Variants in CBFA2T3 observed in about 807,000 individuals in gnomAD.
CBFA2T3 encodes the protein CBFA2/RUNX1 partner transcriptional co-repressor 3, also known as transcriptional corepressor CBFA2T3.
CBFA2T3 carries 31 observed loss-of-function variants against 58.6 expected under a neutral mutation model. The ratio of observed to expected loss-of-function variants is 0.53; its 90% CI spans 0.40 to 0.71. CBFA2T3 has a LOEUF of 0.71. CBFA2T3 is among the 30% of genes least tolerant of loss of function. The probability of loss-of-function intolerance (pLI) is 0.00; values close to 1 mark genes in which losing one functional copy is unlikely to be tolerated. For missense variants in CBFA2T3, 1,076 were observed against 963.1 expected (o/e 1.12, Z -1.55); for synonymous variants, 531 against 421.9 (o/e 1.26, Z -3.17).
chr16:88,958,959 C>A lies in CBFA2T3; in HGVS notation c.151+17698G>T, dbSNP rs907768810. Among the ~76,000 whole-genome samples the A allele has an allele frequency of 6.6e-6, 1 of 152,158 alleles. No individual in the cohort carries two copies. The highest frequency in any genetic ancestry group is 2.1e-4 in the South Asian group (1 of 4,832). Reference sequence around the variant, plus strand: ...CAGAGGGCTGATTCCTCTCTCTGCCCCGACCCCTGGCAACCCTGTCAGCTG... The same window carrying A: ...CAGAGGGCTGATTCCTCTCTCTGCCACGACCCCTGGCAACCCTGTCAGCTG... On this transcript the variant is annotated intron_variant, in intron 1 of 11. Transcript: ENST00000268679. This position sits in a 1 kb window ranked among gnomAD's most constrained non-coding sequence, Gnocchi z 4.0.
intron 1 of CBFA2T3, among the ~76,000 whole-genome samples, chr16:88,944,038 C>G (rs1405877257): frequency 6.6e-6 from 1 of 152,066 alleles, no homozygotes; most frequent in African/African-American, 2.4e-5. Context: ...GCTCAATTCA[C>G]TTAAAAGAAA....
intron 1 of CBFA2T3, among the ~76,000 whole-genome samples, chr16:88,959,145 C>G (rs956308965): frequency 3.3e-5 from 5 of 152,222 alleles, no homozygotes; most frequent in African/African-American, 1.2e-4. Flanking sequence ...GAATCGTGTG[C>G]CCCCGTCCTT....
intron 1 of CBFA2T3, among the ~76,000 whole-genome samples, chr16:88,934,789 G>A (rs1290756237): frequency 6.6e-6 from 1 of 152,140 alleles, no homozygotes; most frequent in Non-Finnish European, 1.5e-5. Context: ...GCCCAGGCTG[G>A]AGTGCAGTGG....
intron 1 of CBFA2T3, among the ~76,000 whole-genome samples, chr16:88,912,192 C>CCT (rs371013185): frequency 7.2e-5 from 11 of 152,372 alleles, no homozygotes; most frequent in African/African-American, 2.4e-4. Context: ...CCTGGCCTTG[C>CCT]CTCTTCCTTT....
Position 88,901,588 on chromosome 16 carries a change from G to A in CBFA2T3, c.220C>T (p.Arg74Trp), listed in dbSNP as rs756075985. The change falls in exon 2 of 12, where the codon CGG becomes TGG. Residue 74 changes from arginine (R) to tryptophan (W), a missense_variant. Transcript: ENST00000268679. ...DSPAEVKTQP[R>W]STPPSMPPPP... Reference sequence around the variant, plus strand: ...GGCGGCATGCTGGGGGGTGTGGACCGGGGCTGCGTCTTCACCTCCGCTGGG... The same window carrying A: ...GGCGGCATGCTGGGGGGTGTGGACCAGGGCTGCGTCTTCACCTCCGCTGGG... The A allele has an allele frequency of 1.5e-5, 22 of 1,513,506 alleles. No homozygotes were observed. In the Middle Eastern group the frequency reaches 5.2e-4, roughly 36 times the overall value. The allele number at this position is 1,513,506 out of a possible 1,614,324, so 93.8% of individuals were successfully genotyped here.
intron 1 of CBFA2T3, among the ~76,000 whole-genome samples, chr16:88,956,222 G>A (rs1972216863): frequency 6.6e-6 from 1 of 152,290 alleles, no homozygotes; most frequent in Non-Finnish European, 1.5e-5. Context: ...AGAATGGCCA[G>A]GAAACTGAGT....
intron 1 of CBFA2T3, among the ~76,000 whole-genome samples, chr16:88,944,450 G>C (rs1269621354): frequency 6.6e-6 from 1 of 152,002 alleles, no homozygotes; most frequent in African/African-American, 2.4e-5. Context: ...CACACCCATG[G>C]AAGCCCTGGG....
chr16:88,940,858 G>A (rs1031183220), intron 1 of CBFA2T3, among the ~76,000 whole-genome samples: 5 of 152,120 alleles, frequency 3.3e-5, no homozygotes, highest in Admixed American at 6.5e-5. Flanking sequence ...CGCTCAGCCC[G>A]GATGGGTGGG....
intron 1 of CBFA2T3, among the ~76,000 whole-genome samples, chr16:88,972,914 T>G (rs1182651871): frequency 3.3e-5 from 5 of 152,152 alleles, no homozygotes; most frequent in African/African-American, 1.2e-4. Flanking sequence ...ATCCGGCCCC[T>G]TTGCAGGCAC....
At chr16:88,914,427 GCTCT>G (rs1478742309) in intron 1 of CBFA2T3, among the ~76,000 whole-genome samples, 2 of 152,248 alleles carry the variant, frequency 1.3e-5, no homozygotes, top group Non-Finnish European at 2.9e-5. Flanking sequence ...GTCACGGGAC[GCTCT>G]CTATTGACAT....
At chr16:88,878,471 C>T (rs988754138) in intron 11 of CBFA2T3, among the ~76,000 whole-genome samples, 8 of 152,358 alleles carry the variant, frequency 5.3e-5, no homozygotes, top group South Asian at 2.1e-4. Flanking sequence ...GTCCCCTCTT[C>T]GTGGACAAGG....
At chr16:88,971,706 G>C (rs73256250) in intron 1 of CBFA2T3, among the ~76,000 whole-genome samples, 13,193 of 152,250 alleles carry the variant, frequency 0.087, 1,425 homozygotes, top group African/African-American at 0.25. Context: ...AGGGTGGGTG[G>C]GCGGCCCTCA....
intron 1 of CBFA2T3, among the ~76,000 whole-genome samples, chr16:88,940,677 C>A (rs1971688973): frequency 6.6e-6 from 1 of 152,232 alleles, no homozygotes; most frequent in South Asian, 2.1e-4. Flanking sequence ...TCTCCCAGGG[C>A]CGCCCTCGGC....
chr16:88,951,481 T>C (rs899434761), intron 1 of CBFA2T3: 2 of 372,634 alleles, frequency 5.4e-6, no homozygotes, highest in Non-Finnish European at 1.0e-5. Context: ...AGTATTTTTG[T>C]TTCATCTTTG....
In CBFA2T3 at chr16:88,881,288, C is replaced by G; in HGVS notation, c.1402+3G>C. ...GCTCCCTCCCCCCACACCCCACACG[C>G]ACCTAGCTGAGGCCCTTCGGGACCG... On this transcript the variant is annotated splice_donor_region_variant and intron_variant, in intron 9 of 11. Transcript: ENST00000268679. 1 of 1,593,880 alleles carries G rather than the reference C, an allele frequency of 6.3e-7. No homozygotes were observed. Among genetic ancestry groups the G allele is most frequent in the South Asian group, 1.1e-5 (1 of 89,286 alleles).
intron 5 of CBFA2T3, among the ~76,000 whole-genome samples, chr16:88,891,272 G>T (rs1442638900): frequency 1.3e-5 from 2 of 152,080 alleles, no homozygotes; most frequent in African/African-American, 4.8e-5. Context: ...ATACCTCAGG[G>T]CCTCTGCACG....
rs1028489796 is a variant in CBFA2T3 at position 88,977,048 on chromosome 16, C to T, written c.-241G>A. 66 of 454,514 alleles carry T rather than the reference C, an allele frequency of 1.5e-4. No individual in the cohort carries two copies. The highest frequency in any genetic ancestry group is 1.2e-3 in the African/African-American group (63 of 51,804). The allele number at this position is 454,514 out of a possible 1,614,324, so 28.2% of individuals were successfully genotyped here. On this transcript the variant is annotated 5_prime_UTR_variant, in exon 1 of 12. Transcript: ENST00000268679. ...GTGACGCGGGGCGGGCCTGGGGCTGCAGGCTGGGGAAGGTCTCCCTGCAGC... is the reference window on the plus strand; with the variant it reads ...GTGACGCGGGGCGGGCCTGGGGCTGTAGGCTGGGGAAGGTCTCCCTGCAGC...
chr16:88,932,012 G>A (rs1173137389), intron 1 of CBFA2T3, among the ~76,000 whole-genome samples: 2 of 152,070 alleles, frequency 1.3e-5, no homozygotes, highest in East Asian at 1.9e-4. Flanking sequence ...TTTTCACACC[G>A]TGGTACCCCA....
intron 1 of CBFA2T3, among the ~76,000 whole-genome samples, chr16:88,932,304 A>G (rs1204035487): frequency 6.7e-6 from 1 of 149,848 alleles, no homozygotes; most frequent in Non-Finnish European, 1.5e-5. Flanking sequence ...CACTTCCAGG[A>G]AAGAGGCCGC....
Sources: gnomAD v4.1 joint callset for allele counts (sites outside exome capture counted in the v4.1 genomes callset) on GRCh38, gnomAD v4.1.1 for gene constraint, Gnocchi (gnomAD v3.1) non-coding constraint, MANE v1.5 for transcripts, NCBI Gene and HGNC (gene_info 2026-07-23, HGNC 2026-07-21) for gene names.